MICALL1: variants seen among roughly 807,000 people sequenced by gnomAD.
MICALL1 encodes the protein MICAL-like protein 1.
MICALL1 carries 61 observed loss-of-function variants against 83.7 expected under a neutral mutation model. That is an observed-to-expected ratio of 0.73 (90% confidence interval 0.59 to 0.90). The LOEUF is 0.90. MICALL1 is among the 40% of genes least tolerant of loss of function. The probability of loss-of-function intolerance (pLI) is 0.00; values close to 1 mark genes in which losing one functional copy is unlikely to be tolerated. For synonymous variants in MICALL1, 481 were observed against 473.6 expected, an observed-to-expected ratio of 1.02 and a Z score of -0.20; for missense variants, 1,066 against 1,152.0, an observed-to-expected ratio of 0.93 and a Z score of 1.08.
intron 3 of MICALL1, among the ~76,000 whole-genome samples, chr22:37,914,330 G>A (rs1475493587): frequency 2.0e-5 from 3 of 150,912 alleles, no homozygotes; most frequent in South Asian, 2.1e-4. Context: ...GGGTTCAAGC[G>A]ATTCTCCTGT....
intron 5 of MICALL1, 38 bp downstream of exon 5, chr22:37,919,216 G>A: frequency 6.7e-7 from 1 of 1,481,840 alleles, no homozygotes; most frequent in Non-Finnish European, 9.0e-7. Context: ...CCGAAACCAG[G>A]GAGGGGGCTA....
chr22:37,937,040 T>C, intron 13 of MICALL1, 40 bp from the exon 14 acceptor site: 3 of 1,527,212 alleles, frequency 2.0e-6, no homozygotes, highest in East Asian at 4.9e-5. Flanking sequence ...GAAGAGGGCT[T>C]TCCTACCACT....
At chr22:37,907,925 G>A (rs192590235) in intron 1 of MICALL1, among the ~76,000 whole-genome samples, 2 of 152,334 alleles carry the variant, frequency 1.3e-5, no homozygotes, top group Non-Finnish European at 2.9e-5. Context: ...GAGGAAAAGG[G>A]CACCAGGGTT....
intron 3 of MICALL1, among the ~76,000 whole-genome samples, chr22:37,917,366 C>T (rs193065417): frequency 6.6e-6 from 1 of 152,326 alleles, no homozygotes. Flanking sequence ...TCCTTCACCT[C>T]CTCTACCCTG....
chr22:37,927,825 A>G lies in MICALL1; in HGVS notation c.1880A>G (p.Lys627Arg). Residue 627 changes from lysine (K) to arginine (R), a missense_variant and splice_region_variant, in exon 9 of 16, where the codon AAG becomes AGG. Transcript: ENST00000215957. ...AGCTCGTCCCCACAGCTGCAGGTAA[A>G]GGTGAGTGCCCCCTCACCCTCACTA... ...PGSSSPQLQVKSSCKENPFNR... is the reference protein window; with the variant it reads ...PGSSSPQLQVRSSCKENPFNR... The G allele has an allele frequency of 6.2e-7, 1 of 1,602,644 alleles. No individual in the cohort carries two copies. The highest frequency in any genetic ancestry group is 8.5e-7 in the Non-Finnish European group (1 of 1,173,288).
chr22:37,909,982 G>C (rs367671185), intron 1 of MICALL1, among the ~76,000 whole-genome samples: 2 of 152,238 alleles, frequency 1.3e-5, no homozygotes, highest in South Asian at 4.1e-4. Context: ...CGAGGGTTGT[G>C]GGGGCTGGGC....
In MICALL1 at chr22:37,927,705, G is replaced by A; in HGVS notation, c.1760G>A (p.Gly587Asp). 1 of 1,614,052 alleles carries A rather than the reference G, an allele frequency of 6.2e-7. No individual in the cohort carries two copies. ...CCTGGCCTTGCCCCCAGGACCAGGGGCAGCTCAGGTCCCCAGCCAGCCAAG... is the reference window on the plus strand; with the variant it reads ...CCTGGCCTTGCCCCCAGGACCAGGGACAGCTCAGGTCCCCAGCCAGCCAAG... ...ASPGLAPRTR[G>D]SSGPQPAKPC... is the part of the protein sequence containing the mutation. The change falls in exon 9 of 16, where the codon GGC becomes GAC. Residue 587 changes from glycine to aspartate, a missense_variant. Gly to Asp is a moderately conservative substitution (Grantham distance 94). Coordinates refer to ENST00000215957, the MANE Select transcript of MICALL1 (RefSeq NM_033386.4).
Position 37,933,062 on chromosome 22 carries a change from A to G in MICALL1, c.2258A>G (p.Gln753Arg). The change falls in exon 13 of 16, where the codon CAG becomes CGG. Residue 753 changes from glutamine (Q) to arginine (R), a missense_variant. Physicochemically the swap from Gln to Arg is conservative, Grantham distance 43 (BLOSUM62 1). Transcript: ENST00000215957. ...IYVFKQQNLE[Q>R]RQADVEYELR... Reference sequence around the variant, plus strand: ...AGCTTCAAGCAGCAGAACCTGGAGCAGCGCCAGGCTGATGTCGAGTATGAG... The same window carrying G: ...AGCTTCAAGCAGCAGAACCTGGAGCGGCGCCAGGCTGATGTCGAGTATGAG... The G allele has an allele frequency of 6.2e-7, 1 of 1,614,038 alleles. No homozygotes were observed. Among genetic ancestry groups the G allele is most frequent in the Non-Finnish European group, 8.5e-7 (1 of 1,180,000 alleles).
In MICALL1 at chr22:37,916,547, C is replaced by G. The variant is rs368381549; in HGVS notation, c.338-1160C>G. On this transcript the variant is annotated intron_variant, in intron 3 of 15. Transcript: ENST00000215957. ...GCATTTCAAGAGTGACTTTGACTAG[C>G]CTTGACTTTTTACCAGACTGGGTAA... 2.2e-4 allele frequency among the ~76,000 whole-genome samples: 34 copies of G among 152,318 alleles called. 1 individual carries two copies. In the East Asian group the frequency reaches 2.5e-3, roughly 11 times the overall value.
chr22:37,914,081 G>A (rs1369147439), intron 3 of MICALL1, among the ~76,000 whole-genome samples: 3 of 151,774 alleles, frequency 2.0e-5, no homozygotes, highest in Non-Finnish European at 4.4e-5. Flanking sequence ...TCGCCACTTT[G>A]GCCAGGCTGG....
rs1361536769 is a variant in MICALL1, at chr22:37,925,866, G to A, written c.1288G>A (p.Glu430Lys). The A allele has an allele frequency of 6.2e-7, 1 of 1,613,846 alleles. No homozygotes were observed. The highest frequency in any genetic ancestry group is 1.1e-5 in the South Asian group (1 of 91,060). Reference sequence around the variant, plus strand: ...CAAACCCTATAACCCCTTTGAGGAGGAGGAGGAGGACAAGGAGGAAGAGGC... The same window carrying A: ...CAAACCCTATAACCCCTTTGAGGAGAAGGAGGAGGACAAGGAGGAAGAGGC... ...ESKPYNPFEE[E>K]EEDKEEEAPA... The change falls in exon 8 of 16, where the codon GAG becomes AAG. Residue 430 changes from glutamate (E) to lysine (K), a missense_variant. By Grantham distance (56) the Glu-to-Lys change is moderately conservative. Coordinates refer to ENST00000215957, the MANE Select transcript of MICALL1 (RefSeq NM_033386.4).
chr22:37,938,992 G>A (rs779240341), intron 15 of MICALL1, among the ~76,000 whole-genome samples: 3 of 152,174 alleles, frequency 2.0e-5, no homozygotes, highest in Admixed American at 6.5e-5. Flanking sequence ...CTGGCCTCAA[G>A]CGATCTGCCC....
At chr22:37,934,066 C>G (rs1179630858) in intron 13 of MICALL1, among the ~76,000 whole-genome samples, 1 of 152,232 alleles carries the variant, frequency 6.6e-6, no homozygotes, top group Admixed American at 6.5e-5. Flanking sequence ...GGCGTGGCCA[C>G]CACTCAGAGC....
chr22:37,923,283 A>G (rs1465458396), intron 6 of MICALL1, among the ~76,000 whole-genome samples: 1 of 150,748 alleles, frequency 6.6e-6, no homozygotes, highest in African/African-American at 2.4e-5. Context: ...GTGGAGTGCA[A>G]TGGCACAATC....
intron 15 of MICALL1, among the ~76,000 whole-genome samples, chr22:37,938,249 G>T (rs2145958422): frequency 6.6e-6 from 1 of 151,880 alleles, no homozygotes; most frequent in East Asian, 2.0e-4. Context: ...AAAAATACAA[G>T]AAATTAGTCA....
rs200688766 is a variant in MICALL1, at chr22:37,924,633, C to T, written c.1025-27C>T. ...GCCCACCTCCTGCTGCCCATGAAGG[C>T]CTGGCTCACTCTCCTTTCCCATCTA... On this transcript the variant is annotated intron_variant, in intron 6 of 15. Transcript: ENST00000215957. The surrounding 1 kb of genome is among the most constrained non-coding windows in gnomAD (Gnocchi z 5.2). 1 of 1,604,226 alleles carries T rather than the reference C, an allele frequency of 6.2e-7. No homozygotes were observed. The highest frequency in any genetic ancestry group is 2.3e-5 in the East Asian group (1 of 44,164).
At chr22:37,931,308 A>G (rs896674527) in intron 9 of MICALL1, among the ~76,000 whole-genome samples, 1 of 152,238 alleles carries the variant, frequency 6.6e-6, no homozygotes, top group African/African-American at 2.4e-5. Flanking sequence ...TTGGAAGGCC[A>G]AGGCAGGAGG....
rs1347730428 is a variant in MICALL1 at position 37,927,402 on chromosome 22, T to C, written c.1466-9T>C. 3 of 1,565,054 alleles carry C rather than the reference T, an allele frequency of 1.9e-6. No individual in the cohort carries two copies. The South Asian group carries it at 3.4e-5, about 18-fold the overall frequency. On this transcript the variant is annotated splice_polypyrimidine_tract_variant and intron_variant, in intron 8 of 15. Transcript: ENST00000215957. The stretch of plus-strand genomic sequence containing the variant: ...CCCTTGTGAGGTGTCCTGGTGCTCG[T>C]CCGCACAGCTCTCCACGCCTCCCGC...
At chr22:37,921,333 C>T (rs547997884) in intron 5 of MICALL1, among the ~76,000 whole-genome samples, 1 of 152,128 alleles carries the variant, frequency 6.6e-6, no homozygotes, top group East Asian at 1.9e-4. Context: ...TTTGGGAGGC[C>T]TATGCAGGTG....
Sources: allele counts gnomAD v4.1 joint callset (sites outside exome capture counted in the v4.1 genomes callset), GRCh38; gene constraint gnomAD v4.1.1; non-coding constraint Gnocchi (gnomAD v3.1); transcripts MANE v1.5; gene names NCBI Gene and HGNC (gene_info 2026-07-23, HGNC 2026-07-21).